BAZ2A: variants seen among roughly 807,000 people sequenced by gnomAD.
BAZ2A encodes bromodomain adjacent to zinc finger domain protein 2A.
BAZ2A carries 34 observed loss-of-function variants against 199.9 expected under a neutral mutation model. The observed-to-expected ratio is 0.17, with a 90% confidence interval of 0.13 to 0.23. The LOEUF is 0.23. Among genes scored for constraint, BAZ2A ranks in the 10% least tolerant of loss-of-function variants. The probability of loss-of-function intolerance (pLI) is 1.00; values close to 1 mark genes in which losing one functional copy is unlikely to be tolerated. For synonymous variants in BAZ2A, 857 were observed against 883.9 expected, an observed-to-expected ratio of 0.97 and a Z score of 0.54; for missense variants, 2,002 against 2,391.1, an observed-to-expected ratio of 0.84 and a Z score of 3.39.
chr12:56,608,320 C>G (rs1181710522), intron 10 of BAZ2A, among the ~76,000 whole-genome samples: 1 of 150,090 alleles, frequency 6.7e-6, no homozygotes, highest in Admixed American at 6.7e-5. Context: ...TGTAGTGAGC[C>G]AAGATCGTGC....
chr12:56,625,338 T>G (rs1592620566), intron 1 of BAZ2A, among the ~76,000 whole-genome samples: 1 of 151,852 alleles, frequency 6.6e-6, no homozygotes, highest in South Asian at 2.1e-4. Flanking sequence ...ATATTTTTAG[T>G]AGAGACAGGG....
chr12:56,623,474 A>G (rs1950987708), intron 1 of BAZ2A, among the ~76,000 whole-genome samples: 2 of 152,144 alleles, frequency 1.3e-5, no homozygotes, highest in Non-Finnish European at 2.9e-5. Context: ...TTGGGGGGTG[A>G]GAGAGATTTC....
At chr12:56,599,913 C>T (rs1410304533) in intron 25 of BAZ2A, 51 bp downstream of exon 25, 9 of 1,613,028 alleles carry the variant, frequency 5.6e-6, no homozygotes, top group Admixed American at 3.3e-5. Context: ...GACCCCACCC[C>T]GCCCCTGCTG....
chr12:56,598,546 A>G lies in BAZ2A; in HGVS notation c.*72T>C. 6.5e-7 allele frequency: 1 copy of G among 1,543,002 alleles called. No individual in the cohort carries two copies. Among genetic ancestry groups the G allele is most frequent in the Non-Finnish European group, 8.7e-7 (1 of 1,144,036 alleles). On this transcript the variant is annotated 3_prime_UTR_variant, in exon 29 of 29. Transcript: ENST00000549884. ...AGTCTGGACCCAGGGCAGCATCAGC[A>G]GGTGAAAATGGCAGGTTTTTGTTTG...
chr12:56,604,948 G>T (rs926453698), intron 14 of BAZ2A, 125 bp downstream of exon 14: 1 of 1,392,158 alleles, frequency 7.2e-7, no homozygotes, highest in African/African-American at 1.5e-5. Context: ...AAAAAATAAA[G>T]AAAAATAAAA....
At chr12:56,626,508 A>G (rs2137316155) in intron 1 of BAZ2A, among the ~76,000 whole-genome samples, 1 of 152,196 alleles carries the variant, frequency 6.6e-6, no homozygotes, top group South Asian at 2.1e-4. Context: ...TACAAGATGA[A>G]CCCTTCATTC....
chr12:56,632,124 A>C (rs59333125), upstream of BAZ2A, among the ~76,000 whole-genome samples: 10,106 of 152,154 alleles, frequency 0.066, 371 homozygotes, highest in East Asian at 0.11. Flanking sequence ...GGGAAAAAAA[A>C]ATACTCCTCC....
In BAZ2A at chr12:56,599,792, C is replaced by G. The variant is rs1173832311; in HGVS notation, c.5082G>C (p.Gly1694=). The G allele has an allele frequency of 6.2e-7, 1 of 1,613,998 alleles. No homozygotes were observed. ...AGTAAATGTGGCAGCCACGGTCACA[C>G]CCATCACAAAGCAGAAGAAACTCAT... ...DNDEFLLLCD[G]CDRGCHIYCH... Residue 1694 remains glycine (G), a synonymous_variant, in exon 26 of 29, where the codon GGG becomes GGC. Coordinates refer to ENST00000549884, the MANE Select transcript of BAZ2A (RefSeq NM_001300905.2).
intron 16 of BAZ2A, 124 bp downstream of exon 16, chr12:56,604,086 TCCTGGGC>T (rs1950267929): frequency 2.4e-6 from 2 of 830,252 alleles, no homozygotes; most frequent in South Asian, 3.3e-5. Context: ...CTCTAAACCA[TCCTGGGC>T]CCTGGTAAGG....
chr12:56,600,386 C>T lies in BAZ2A; in HGVS notation c.4707G>A (p.Glu1569=), dbSNP rs1527140. Residue 1569 remains glutamate, a synonymous_variant, in exon 24 of 29, where the codon GAG becomes GAA. Transcript: ENST00000549884. The stretch of plus-strand genomic sequence containing the variant: ...TAGTTTTACGCTGAGGTGCCAGTCC[C>T]TCCCTGCCCCGACCTCGCCAGGTGA... ...EDITWRGRGR[E]GLAPQRKTTN... 0.034 allele frequency: 54,700 copies of T among 1,613,918 alleles called. 5,409 individuals carry two copies. The African/African-American group carries it at 0.36, about 11-fold the overall frequency.
Position 56,601,326 on chromosome 12 carries a change from T to C in BAZ2A, c.4148A>G (p.Lys1383Arg), listed in dbSNP as rs201375127. 129 of 1,613,930 alleles carry C rather than the reference T, an allele frequency of 8.0e-5. 1 individual carries two copies. The African/African-American group carries it at 1.5e-3, about 19-fold the overall frequency. ...SSTPLAGLAP[K>R]RRAGDPGEMP... is the part of the protein sequence containing the mutation. ...TTCTCCAGGGTCTCCTGCTCGCCTC[T>C]TAGGGGCCAACCCAGCCAAGGGCGT... The change falls in exon 21 of 29, where the codon AAG becomes AGG. Residue 1383 changes from lysine to arginine, a missense_variant. Around this residue, in one of 6 missense-constraint regions of BAZ2A, gnomAD observed 1,081 missense variants for 1,274.7 expected, o/e 0.85. Coordinates refer to ENST00000549884, the MANE Select transcript of BAZ2A (RefSeq NM_001300905.2).
intron 1 of BAZ2A, among the ~76,000 whole-genome samples, chr12:56,623,499 A>G (rs1013171658): frequency 1.3e-5 from 2 of 152,190 alleles, no homozygotes; most frequent in Admixed American, 1.3e-4. Context: ...GTTTATCTTG[A>G]CTAAACAGCA....
chr12:56,625,300 C>T (rs1006343446), intron 1 of BAZ2A, among the ~76,000 whole-genome samples: 7 of 151,684 alleles, frequency 4.6e-5, no homozygotes, highest in Admixed American at 1.3e-4. Context: ...GGATTACAGG[C>T]GCCCACCATC....
chr12:56,606,393 G>A (rs1950355816), intron 11 of BAZ2A, 81 bp from the exon 12 acceptor site: 1 of 1,530,208 alleles, frequency 6.5e-7, no homozygotes, highest in Non-Finnish European at 9.0e-7. Context: ...ACAGACAAGG[G>A]TGCTGGGGAG....
Position 56,598,947 on chromosome 12 carries a change from G to A in BAZ2A, c.5467C>T (p.Arg1823Cys), listed in dbSNP as rs751270221. The change falls in exon 28 of 29, where the codon CGT (arginine) becomes TGT (cysteine). Residue 1823 changes from arginine to cysteine, a missense_variant. By Grantham distance (180) the Arg-to-Cys change is radical. This residue lies in a region of BAZ2A where 76 missense variants were observed against 139.3 expected (regional missense o/e 0.55). Transcript: ENST00000549884. ...AWPFLEPVNPRLVSGYRRIIK... is the reference protein window; with the variant it reads ...AWPFLEPVNPCLVSGYRRIIK... ...ATGCGCCGGTACCCACTCACCAAAC[G>A]TGGGTTCACAGGCTCTAGGAAAGGC... is the stretch of plus-strand genomic sequence containing the variant. 6 of 1,609,236 alleles carry A rather than the reference G, an allele frequency of 3.7e-6. No homozygotes were observed. The highest frequency in any genetic ancestry group is 1.7e-5 in the Admixed American group (1 of 59,256).
upstream of BAZ2A, among the ~76,000 whole-genome samples, chr12:56,631,817 G>C (rs906703237): frequency 6.6e-6 from 1 of 152,152 alleles, no homozygotes; most frequent in African/African-American, 2.4e-5. Flanking sequence ...CAGAGTTGGG[G>C]GGTGAGATCC....
At chr12:56,630,928 A>T, upstream of BAZ2A, 1 of 877,180 alleles carries the variant, frequency 1.1e-6, no homozygotes, top group Non-Finnish European at 1.4e-6. Flanking sequence ...AGTGTAGCCT[A>T]AATGCAGTCA....
In BAZ2A at chr12:56,615,540, C is replaced by A; in HGVS notation, c.204G>T (p.Leu68Phe). The change falls in exon 3 of 29, where the codon TTG becomes TTT. Residue 68 changes from leucine to phenylalanine, a missense_variant. Physicochemically the swap from Leu to Phe is conservative, Grantham distance 22 (BLOSUM62 0). Coordinates refer to ENST00000549884, the MANE Select transcript of BAZ2A (RefSeq NM_001300905.2). ...TVSHTTTSGI[L>F]NSAPHSSSTS... The stretch of plus-strand genomic sequence containing the variant: ...TGCTGGAGGAGTGGGGAGCAGAGTT[C>A]AAAATCCCTGAAGTAGTAGTGTGAG... 4 of 1,612,866 alleles carry A rather than the reference C, an allele frequency of 2.5e-6. No individual in the cohort carries two copies. The highest frequency in any genetic ancestry group is 1.3e-5 in the African/African-American group (1 of 74,962).
At chr12:56,604,829 GT>G in intron 14 of BAZ2A, 30 bp from the exon 15 acceptor site, 1 of 1,601,918 alleles carries the variant, frequency 6.2e-7, no homozygotes, top group Non-Finnish European at 8.5e-7. Context: ...ATGGGGGTGA[GT>G]AGGGAAAGAT....
Sources: gnomAD v4.1 joint callset for allele counts (sites outside exome capture counted in the v4.1 genomes callset) on GRCh38, gnomAD v4.1.1 for gene constraint, gnomAD v4.1.1 regional missense constraint, MANE v1.5 for transcripts, NCBI Gene and HGNC (gene_info 2026-07-23, HGNC 2026-07-21) for gene names.